The following ACVR2B variants were observed in gnomAD, a reference collection of about 807,000 sequenced individuals.
The protein encoded by ACVR2B is activin receptor type-2B.
Under a neutral mutation model 65.1 loss-of-function variants are expected in ACVR2B, and 18 were observed. That is an observed-to-expected ratio of 0.28 (90% CI 0.19 to 0.41). ACVR2B has a LOEUF of 0.41. ACVR2B is among the 10% of genes least tolerant of loss of function. The probability of loss-of-function intolerance (pLI) is 1.00; values close to 1 mark genes in which losing one functional copy is unlikely to be tolerated. For synonymous variants in ACVR2B, 298 were observed against 277.7 expected (o/e 1.07, Z -0.73); for missense variants, 482 against 682.7 (o/e 0.71, Z 3.28).
chr3:38,474,609 C>T (rs539330640), intron 1 of ACVR2B: 6 of 152,286 alleles, frequency 3.9e-5, no homozygotes, highest in Middle Eastern at 3.4e-3. Flanking sequence ...AAGTAGTTGT[C>T]GAGTACATGT....
chr3:38,475,573 G>A (rs1575586092), intron 1 of ACVR2B: 1 of 152,284 alleles, frequency 6.6e-6, no homozygotes, highest in African/African-American at 2.4e-5. Flanking sequence ...AAGGGGTTGG[G>A]TTTGACAGGA....
At chr3:38,459,332 G>A (rs1559645273) in intron 1 of ACVR2B, among the ~76,000 whole-genome samples, 2 of 152,192 alleles carry the variant, frequency 1.3e-5, no homozygotes, top group South Asian at 4.1e-4. Flanking sequence ...CAGGTTTCAG[G>A]GAGGCGGAGG....
At position 38,491,227 on chromosome 3, in the gene ACVR2B, C is replaced by G. The variant is rs763850997; in HGVS notation, c.*7895C>G. ...TTACCAGTTCAAAAAGTTTAATTAA[C>G]CAGCAGTCACCGCATCTGAATTTTT... On this transcript the variant is annotated 3_prime_UTR_variant, in exon 11 of 11. Coordinates refer to ENST00000352511, the MANE Select transcript of ACVR2B (RefSeq NM_001106.4). The G allele has an allele frequency of 3.9e-5, 6 of 152,426 alleles. No individual in the cohort carries two copies. The highest frequency in any genetic ancestry group is 7.4e-5 in the Non-Finnish European group (5 of 68,010). 9.4% of individuals were successfully genotyped at this position (152,426 alleles called of 1,614,324 possible).
chr3:38,481,260 G>T lies in ACVR2B; in HGVS notation c.960-91G>T. 8.8e-7 allele frequency: 1 copy of T among 1,135,686 alleles called. No homozygotes were observed. The highest frequency in any genetic ancestry group is 2.4e-5 in the East Asian group (1 of 42,334). 70.4% of individuals were successfully genotyped at this position (1,135,686 alleles called of 1,614,324 possible). A position where few individuals can be genotyped will look rare whatever the true frequency, so the allele number is the denominator to read the frequency against. ...GGTGGGATGGCCTGGTCTGGGGCCT[G>T]ACTCTAGGGCACAGACTCTAGTATC... On this transcript the variant is annotated intron_variant, in intron 7 of 10. Transcript: ENST00000352511. The surrounding 1 kb of genome is among the most constrained non-coding windows in gnomAD (Gnocchi z 4.7).
intron 10 of ACVR2B, among the ~76,000 whole-genome samples, chr3:38,482,875 C>T (rs896601159): frequency 1.3e-5 from 2 of 152,108 alleles, no homozygotes; most frequent in African/African-American, 4.8e-5. Context: ...TCTCCTTCTC[C>T]CTCCTGTGTA....
chr3:38,480,684 T>C (rs1710002476), intron 7 of ACVR2B, among the ~76,000 whole-genome samples: 1 of 152,200 alleles, frequency 6.6e-6, no homozygotes, highest in African/African-American at 2.4e-5. Context: ...GCCGTTTTTA[T>C]AGGTCAAAAG....
rs1036447232 is a variant in ACVR2B at position 38,491,753 on chromosome 3, C to T, written c.*8421C>T. 3 of 152,174 alleles carry T rather than the reference C, an allele frequency of 2.0e-5. No homozygotes were observed. Among genetic ancestry groups the T allele is most frequent in the African/African-American group, 4.8e-5 (2 of 41,428 alleles). The allele number at this position is 152,174 out of a possible 1,614,324, so 9.4% of individuals were successfully genotyped here. Reference sequence around the variant, plus strand: ...AGGGAAGGAATTGTTAAAATGCCAGCGGCTTTTTTTTCCTCTTTTTTTCTG... The same window carrying T: ...AGGGAAGGAATTGTTAAAATGCCAGTGGCTTTTTTTTCCTCTTTTTTTCTG... On this transcript the variant is annotated 3_prime_UTR_variant, in exon 11 of 11. Transcript: ENST00000352511.
At position 38,492,012 on chromosome 3, in the gene ACVR2B, A is replaced by G. The variant is rs1486160867; in HGVS notation, c.*8680A>G. The G allele has an allele frequency of 2.0e-5, 3 of 152,238 alleles. No individual in the cohort carries two copies. The highest frequency in any genetic ancestry group is 2.0e-4 in the Admixed American group (3 of 15,284). The allele number at this position is 152,238 out of a possible 1,614,324, so 9.4% of individuals were successfully genotyped here. On this transcript the variant is annotated 3_prime_UTR_variant, in exon 11 of 11. Coordinates refer to ENST00000352511, the MANE Select transcript of ACVR2B (RefSeq NM_001106.4). Reference sequence around the variant, plus strand: ...TCCACATTTGTCCTTGAATCTGAATAACTTTATACAGTACTGTAAATTTAA... The same window carrying G: ...TCCACATTTGTCCTTGAATCTGAATGACTTTATACAGTACTGTAAATTTAA...
rs1710084884 is a variant in ACVR2B, at chr3:38,484,691, A to C, written c.*1359A>C. ...TTTTTCAAACAAAACACACACATCC[A>C]CATATACACATGCTTCGCTATGTGG... On this transcript the variant is annotated 3_prime_UTR_variant, in exon 11 of 11. Transcript: ENST00000352511. The C allele has an allele frequency of 6.6e-6, 1 of 152,638 alleles. No individual in the cohort carries two copies. The highest frequency in any genetic ancestry group is 1.5e-5 in the Non-Finnish European group (1 of 68,046). The allele number at this position is 152,638 out of a possible 1,614,324, so 9.5% of individuals were successfully genotyped here. A position where few individuals can be genotyped will look rare whatever the true frequency, so the allele number is the denominator to read the frequency against.
In ACVR2B at chr3:38,471,769, C is replaced by T. The variant is rs1369501051; in HGVS notation, c.53-5518C>T. Among the ~76,000 whole-genome samples the T allele has an allele frequency of 3.3e-5, 5 of 152,098 alleles. No individual in the cohort carries two copies. In the East Asian group the frequency reaches 9.6e-4, roughly 29 times the overall value. On this transcript the variant is annotated intron_variant, in intron 1 of 10. Coordinates refer to ENST00000352511, the MANE Select transcript of ACVR2B (RefSeq NM_001106.4). ...GGTAGGTTACTTAATCTCTTTGTGC[C>T]TCAGTTTTTATAAAATGAGGACCTG...
chr3:38,490,036 A>C lies in ACVR2B; in HGVS notation c.*6704A>C, dbSNP rs1559661112. On this transcript the variant is annotated 3_prime_UTR_variant, in exon 11 of 11. Transcript: ENST00000352511. ...AAGCTCAGAACCCCAGTAACAGCAG[A>C]GCATCTTTCAGATAGCTCCAGAGTT... 1.3e-5 allele frequency: 2 copies of C among 152,216 alleles called. No individual in the cohort carries two copies. Among genetic ancestry groups the C allele is most frequent in the Non-Finnish European group, 2.9e-5 (2 of 68,038 alleles). 9.4% of individuals were successfully genotyped at this position (152,216 alleles called of 1,614,324 possible).
Position 38,454,303 on chromosome 3 carries a change from GC to G in ACVR2B, c.-19del. Reference sequence around the variant, plus strand: ...CCCTGCCCGCGGGCTCCGGGTGTGCGCGGGGCGGCGCCGCGGAACATGACGG... The same window carrying G: ...CCCTGCCCGCGGGCTCCGGGTGTGCGGGGGCGGCGCCGCGGAACATGACGG... On this transcript the variant is annotated 5_prime_UTR_variant, in exon 1 of 11. Coordinates refer to ENST00000352511, the MANE Select transcript of ACVR2B (RefSeq NM_001106.4). The G allele has an allele frequency of 7.9e-7, 1 of 1,268,086 alleles. No homozygotes were observed. The highest frequency in any genetic ancestry group is 9.9e-7 in the Non-Finnish European group (1 of 1,008,314). The allele number at this position is 1,268,086 out of a possible 1,614,324, so 78.6% of individuals were successfully genotyped here. A position where few individuals can be genotyped will look rare whatever the true frequency, so the allele number is the denominator to read the frequency against.
At position 38,479,138 on chromosome 3, in the gene ACVR2B, C is replaced by T. The variant is rs779306516; in HGVS notation, c.677C>T (p.Ser226Leu). The change falls in exon 6 of 11, where the codon TCG becomes TTG. Residue 226 changes from serine to leucine, a missense_variant. This residue lies in a region of ACVR2B where 223 missense variants were observed against 386.3 expected (regional missense o/e 0.58). Transcript: ENST00000352511. ...CGCCCCCGGCCTCAGGACAAGCAGT[C>T]GTGGCAGAGTGAACGGGAGATCTTC... ...VKIFPLQDKQ[S>L]WQSEREIFST... 15 of 1,614,000 alleles carry T rather than the reference C, an allele frequency of 9.3e-6. No individual in the cohort carries two copies. Among genetic ancestry groups the T allele is most frequent in the South Asian group, 7.7e-5 (7 of 91,076 alleles).
intron 1 of ACVR2B, among the ~76,000 whole-genome samples, chr3:38,470,794 T>A (rs1169030955): frequency 1.3e-5 from 2 of 152,206 alleles, no homozygotes; most frequent in Non-Finnish European, 2.9e-5. Flanking sequence ...AGTATAAGTG[T>A]ACCCATTAAA....
intron 1 of ACVR2B, among the ~76,000 whole-genome samples, chr3:38,460,966 T>C (rs929289751): frequency 2.0e-5 from 3 of 152,200 alleles, no homozygotes; most frequent in Non-Finnish European, 4.4e-5. Flanking sequence ...TGCCTGAGCA[T>C]TTCGGAGGAT....
At chr3:38,454,924 C>T (rs958276407) in intron 1 of ACVR2B, 2 of 152,290 alleles carry the variant, frequency 1.3e-5, no homozygotes, top group Admixed American at 6.5e-5. Context: ...TGGCTCCCAC[C>T]TGCTCCCTCT....
rs1449576624 is a variant in ACVR2B, at chr3:38,464,714, A to C, written c.52+10340A>C. Among the ~76,000 whole-genome samples the C allele has an allele frequency of 4.6e-5, 7 of 152,288 alleles. No individual in the cohort carries two copies. In the East Asian group the frequency reaches 1.2e-3, roughly 25 times the overall value. ...TATTTGGGATTGAGATCCCAAAGAT[A>C]TAGAAGTTAGGGGGACCAAAATGTA... On this transcript the variant is annotated intron_variant, in intron 1 of 10. Coordinates refer to ENST00000352511, the MANE Select transcript of ACVR2B (RefSeq NM_001106.4).
At position 38,488,551 on chromosome 3, in the gene ACVR2B, A is replaced by G. The variant is rs1391365580; in HGVS notation, c.*5219A>G. The stretch of plus-strand genomic sequence containing the variant: ...AATGTTTTATGTTTATTTTGGGTCC[A>G]CTGTAAACTTTGGTTCAAAAAAGAA... On this transcript the variant is annotated 3_prime_UTR_variant, in exon 11 of 11. Coordinates refer to ENST00000352511, the MANE Select transcript of ACVR2B (RefSeq NM_001106.4). The G allele has an allele frequency of 6.6e-6, 1 of 152,218 alleles. No individual in the cohort carries two copies. Among genetic ancestry groups the G allele is most frequent in the Non-Finnish European group, 1.5e-5 (1 of 68,036 alleles). 9.4% of individuals were successfully genotyped at this position (152,218 alleles called of 1,614,324 possible). A position where few individuals can be genotyped will look rare whatever the true frequency, so the allele number is the denominator to read the frequency against.
At position 38,487,182 on chromosome 3, in the gene ACVR2B, C is replaced by G. The variant is rs1430272098; in HGVS notation, c.*3850C>G. 1 of 152,320 alleles carries G rather than the reference C, an allele frequency of 6.6e-6. No individual in the cohort carries two copies. Among genetic ancestry groups the G allele is most frequent in the Non-Finnish European group, 1.5e-5 (1 of 68,100 alleles). The allele number at this position is 152,320 out of a possible 1,614,324, so 9.4% of individuals were successfully genotyped here. ...CAGTCCTGCCTGGGGAGGGCATACC[C>G]ACACGTGCCAGCTGATTCTGACTCT... On this transcript the variant is annotated 3_prime_UTR_variant, in exon 11 of 11. Transcript: ENST00000352511.
Sources: gnomAD v4.1 joint callset for allele counts (sites outside exome capture counted in the v4.1 genomes callset) on GRCh38, gnomAD v4.1.1 for gene constraint, gnomAD v4.1.1 regional missense constraint, Gnocchi (gnomAD v3.1) non-coding constraint, MANE v1.5 for transcripts, NCBI Gene and HGNC (gene_info 2026-07-23, HGNC 2026-07-21) for gene names.